Variants in CACNA1S observed in about 807,000 individuals in gnomAD.
The protein encoded by CACNA1S is calcium voltage-gated channel subunit alpha1 S.
A neutral mutation model predicts 207.4 loss-of-function variants in CACNA1S; 126 were observed. The observed-to-expected ratio is 0.61, with a 90% confidence interval of 0.53 to 0.70. CACNA1S has a LOEUF of 0.70. CACNA1S is among the 30% of genes least tolerant of loss of function. The probability of loss-of-function intolerance (pLI) is 0.00; values close to 1 mark genes in which losing one functional copy is unlikely to be tolerated. For missense variants in CACNA1S, 2,349 were observed against 2,422.8 expected, an observed-to-expected ratio of 0.97 and a Z score of 0.64; for synonymous variants, 960 against 932.7, an observed-to-expected ratio of 1.03 and a Z score of -0.53.
chr1:201,054,317 T>C (rs549102194), intron 29 of CACNA1S, among the ~76,000 whole-genome samples, 188 bp downstream of exon 29: 92 of 152,258 alleles, frequency 6.0e-4, no homozygotes, highest in African/African-American at 2.0e-3. Flanking sequence ...GCTATATCCA[T>C]GCACACTTGA....
chr1:201,053,271 G>A lies in CACNA1S; in HGVS notation c.3799C>T (p.Leu1267=). Residue 1267 remains leucine (L), a synonymous_variant, in exon 31 of 44, where the codon CTA becomes TTA. Transcript: ENST00000362061. This position sits in a 1 kb window ranked among gnomAD's most constrained non-coding sequence, Gnocchi z 5.1. ...LWTFIKSFQA[L]PYVALLIVML... is the part of the protein sequence containing the mutation. ...ACGATGAGCAGAGCCACGTAGGGTAGGGCCTGCAGGGCGGGCGGGAGCGCC... is the reference window on the plus strand; with the variant it reads ...ACGATGAGCAGAGCCACGTAGGGTAAGGCCTGCAGGGCGGGCGGGAGCGCC... The A allele has an allele frequency of 6.2e-7, 1 of 1,614,196 alleles. No homozygotes were observed. Among genetic ancestry groups the A allele is most frequent in the Non-Finnish European group, 8.5e-7 (1 of 1,180,032 alleles).
At chr1:201,044,573 C>T in intron 38 of CACNA1S, 117 bp from the exon 39 acceptor site, 1 of 1,191,480 alleles carries the variant, frequency 8.4e-7, no homozygotes, top group Non-Finnish European at 1.2e-6. Context: ...TGCAGTGGCA[C>T]AATCTGAGCT....
At position 201,112,309 on chromosome 1, in the gene CACNA1S, G is replaced by T; in HGVS notation, c.31C>A (p.Leu11Met). The T allele has an allele frequency of 6.2e-7, 1 of 1,613,714 alleles. No homozygotes were observed. The highest frequency in any genetic ancestry group is 1.3e-5 in the African/African-American group (1 of 74,942). The part of the protein sequence containing the change: MEPSSPQDEG[L>M]RKKQPKKPVP... ...GGCTTCTTGGGCTGTTTCTTCCTCA[G>T]GCCTTCATCCTGGGGTGAGGATGGC... is the stretch of plus-strand genomic sequence containing the variant. Residue 11 changes from leucine to methionine, a missense_variant, in exon 1 of 44, where the codon CTG becomes ATG. Transcript: ENST00000362061.
At chr1:201,079,199 G>A (rs1012395610) in intron 10 of CACNA1S, among the ~76,000 whole-genome samples, 6 of 150,274 alleles carry the variant, frequency 4.0e-5, no homozygotes, top group Admixed American at 1.3e-4. Context: ...CCCTGTCACC[G>A]TCAAACTCCC....
chr1:201,110,544 C>T (rs903594376), intron 1 of CACNA1S, among the ~76,000 whole-genome samples: 2 of 152,206 alleles, frequency 1.3e-5, no homozygotes, highest in African/African-American at 2.4e-5. Context: ...GCTGAGGGCT[C>T]CTCAGCTTTA....
At chr1:201,093,094 C>T (rs544069833) in intron 3 of CACNA1S, among the ~76,000 whole-genome samples, 40 of 152,202 alleles carry the variant, frequency 2.6e-4, no homozygotes, top group Admixed American at 1.3e-3. Context: ...GTTATCATTA[C>T]GTGGTAGTTA....
chr1:201,064,549 G>A (rs1661178038), intron 22 of CACNA1S, among the ~76,000 whole-genome samples: 1 of 152,210 alleles, frequency 6.6e-6, no homozygotes, highest in Non-Finnish European at 1.5e-5. Flanking sequence ...TTGAATGAAT[G>A]AATGATTGTA....
At chr1:201,073,324 A>G (rs1251918710) in intron 15 of CACNA1S, among the ~76,000 whole-genome samples, 1 of 138,350 alleles carries the variant, frequency 7.2e-6, no homozygotes, top group African/African-American at 2.6e-5. Context: ...TACGCTGGAG[A>G]AGTCTGGTTC....
At chr1:201,062,376 C>A in intron 23 of CACNA1S, 86 bp downstream of exon 23, 2 of 1,352,448 alleles carry the variant, frequency 1.5e-6, no homozygotes, top group South Asian at 2.3e-5. Flanking sequence ...GTGACCGTAA[C>A]CCTCCCACAG....
At position 201,052,564 on chromosome 1, in the gene CACNA1S, G is replaced by C. The variant is rs751212094; in HGVS notation, c.3946C>G (p.Leu1316Val). The change falls in exon 32 of 44, where the codon CTC becomes GTC. Residue 1316 changes from leucine to valine, a missense_variant. Transcript: ENST00000362061. ...FQTFPQAVLL[L>V]FRCATGEAWQ... ...GTGGCGGGAGACGCGTGCCTGAAGA[G>C]CAGTAGCACAGCTTGTGGGAAGGTC... is the stretch of plus-strand genomic sequence containing the variant. The C allele has an allele frequency of 6.2e-7, 1 of 1,612,966 alleles. No homozygotes were observed. Among genetic ancestry groups the C allele is most frequent in the Non-Finnish European group, 8.5e-7 (1 of 1,178,988 alleles).
Position 201,069,602 on chromosome 1 carries a change from C to T in CACNA1S, c.2361-1G>A. On this transcript the variant is annotated splice_acceptor_variant, in intron 17 of 43. Coordinates refer to ENST00000362061, the MANE Select transcript of CACNA1S (RefSeq NM_000069.3). LOFTEE classifies it high-confidence loss of function. ...GATGCGGTGACACAGGACACGGATC[C>T]TGGTGGGGCGAGGTAGGGAGGGCAG... is the stretch of plus-strand genomic sequence containing the variant. The T allele has an allele frequency of 6.4e-7, 1 of 1,553,434 alleles. No homozygotes were observed. The highest frequency in any genetic ancestry group is 8.7e-7 in the Non-Finnish European group (1 of 1,147,612).
chr1:201,109,396 C>A (rs1230546580), intron 2 of CACNA1S, among the ~76,000 whole-genome samples: 1 of 152,158 alleles, frequency 6.6e-6, no homozygotes, highest in East Asian at 1.9e-4. Context: ...ATGTTACTTA[C>A]CCCACAGGAG....
intron 7 of CACNA1S, among the ~76,000 whole-genome samples, chr1:201,086,468 G>C (rs145864264): frequency 6.6e-6 from 1 of 152,228 alleles, no homozygotes; most frequent in Non-Finnish European, 1.5e-5. Flanking sequence ...CTAGATGGGA[G>C]AGCCGACTAC....
At chr1:201,089,497 C>T in intron 5 of CACNA1S, 34 bp from the exon 6 acceptor site, 1 of 1,602,830 alleles carries the variant, frequency 6.2e-7, no homozygotes, top group Non-Finnish European at 8.5e-7. Flanking sequence ...CATCAGACAA[C>T]AGTAGTAGGT....
chr1:201,048,469 ACTT>A, intron 36 of CACNA1S, 110 bp downstream of exon 36: 1 of 923,592 alleles, frequency 1.1e-6, no homozygotes, highest in Non-Finnish European at 1.7e-6. Context: ...TCCTCCCTCT[ACTT>A]CTTCCCACAG....
intron 22 of CACNA1S, among the ~76,000 whole-genome samples, chr1:201,065,169 C>A (rs1406651062): frequency 6.6e-6 from 1 of 152,216 alleles, no homozygotes; most frequent in Non-Finnish European, 1.5e-5. Flanking sequence ...ACTGAGGAAA[C>A]TGGATCTGGA....
In CACNA1S at chr1:201,066,829, G is replaced by T; in HGVS notation, c.2657+58C>A. ...ACATGGGTGGGACTCCCACTACAAA[G>T]CCCTGGCACAGAGCAGAGGGTGGTC... On this transcript the variant is annotated intron_variant, in intron 20 of 43. Transcript: ENST00000362061. This position sits in a 1 kb window ranked among gnomAD's most constrained non-coding sequence, Gnocchi z 4.3. The T allele has an allele frequency of 7.6e-7, 1 of 1,317,382 alleles. No individual in the cohort carries two copies. Among genetic ancestry groups the T allele is most frequent in the Non-Finnish European group, 1.1e-6 (1 of 921,976 alleles). The allele number at this position is 1,317,382 out of a possible 1,614,324, so 81.6% of individuals were successfully genotyped here. A position where few individuals can be genotyped will look rare whatever the true frequency, so the allele number is the denominator to read the frequency against.
intron 38 of CACNA1S, among the ~76,000 whole-genome samples, chr1:201,045,608 G>A (rs1405073129): frequency 6.6e-6 from 1 of 151,940 alleles, no homozygotes; most frequent in Non-Finnish European, 1.5e-5. Flanking sequence ...GGTGGTGTGT[G>A]CCTGTGATCC....
At chr1:201,052,730 G>T in intron 31 of CACNA1S, 82 bp from the exon 32 acceptor site, 1 of 1,165,824 alleles carries the variant, frequency 8.6e-7, no homozygotes, top group Non-Finnish European at 1.3e-6. Context: ...TCTCCTGCCT[G>T]ACCCCTACCT....
Sources: allele counts gnomAD v4.1 joint callset (sites outside exome capture counted in the v4.1 genomes callset), GRCh38; gene constraint gnomAD v4.1.1; non-coding constraint Gnocchi (gnomAD v3.1); transcripts MANE v1.5; gene names NCBI Gene and HGNC (gene_info 2026-07-23, HGNC 2026-07-21).